The following SEC23A variants were observed in gnomAD, a reference collection of about 807,000 sequenced individuals.
SEC23A encodes protein transport protein Sec23A.
In SEC23A, 56 loss-of-function variants were observed where a neutral mutation model predicts 103.7. The observed-to-expected ratio is 0.54, with a 90% CI of 0.44 to 0.67. The LOEUF (loss-of-function observed/expected upper bound fraction) is 0.67, where lower values mean the gene tolerates loss of function less well. SEC23A is among the 30% of genes least tolerant of loss of function. The pLI is 0.00. For missense variants in SEC23A, 784 were observed against 936.4 expected, an observed-to-expected ratio of 0.84 and a Z score of 2.12; for synonymous variants, 281 against 293.0, an observed-to-expected ratio of 0.96 and a Z score of 0.42.
intron 19 of SEC23A, among the ~76,000 whole-genome samples, chr14:39,036,542 A>G (rs1219732546): frequency 1.3e-5 from 2 of 152,070 alleles, no homozygotes; most frequent in African/African-American, 4.8e-5. Flanking sequence ...AGAAACAGGC[A>G]ATTATCCAAT....
At chr14:39,070,924 G>A (rs1209854022) in intron 9 of SEC23A, among the ~76,000 whole-genome samples, 1 of 152,102 alleles carries the variant, frequency 6.6e-6, no homozygotes, top group African/African-American at 2.4e-5. Flanking sequence ...CTACTCAGGA[G>A]GCTGAGGCAG....
chr14:39,066,111 A>G (rs528839537), intron 10 of SEC23A, among the ~76,000 whole-genome samples: 20 of 149,440 alleles, frequency 1.3e-4, no homozygotes, highest in Non-Finnish European at 3.0e-4. Flanking sequence ...AAACCTTTAT[A>G]GTGTTTTTAT....
In SEC23A at chr14:39,085,330, G is replaced by A. The variant is rs150012174; in HGVS notation, c.828+432C>T. The stretch of plus-strand genomic sequence containing the variant: ...CTTCGTAATATCTTTATCATAAACC[G>A]AGAAACATAAAGTGTTTCCTAGAGT... On this transcript the variant is annotated intron_variant, in intron 7 of 19. Coordinates refer to ENST00000307712, the MANE Select transcript of SEC23A (RefSeq NM_006364.4). Among the ~76,000 whole-genome samples, 277 of 152,190 alleles carry A rather than the reference G, an allele frequency of 1.8e-3. 3 individuals carry two copies. The highest frequency in any genetic ancestry group is 8.6e-3 in the Admixed American group (131 of 15,260).
chr14:39,075,790 T>C, intron 8 of SEC23A, 145 bp downstream of exon 8: 2 of 714,614 alleles, frequency 2.8e-6, no homozygotes, highest in South Asian at 3.4e-5. Flanking sequence ...CAAGAAAAAA[T>C]GAATATTTCT....
chr14:39,100,908 A>G (rs1888068047), intron 1 of SEC23A, among the ~76,000 whole-genome samples: 1 of 151,378 alleles, frequency 6.6e-6, no homozygotes. Context: ...CAGTGGTGCA[A>G]TCTCGGCTCA....
At chr14:39,066,201 T>C (rs969566953) in intron 10 of SEC23A, among the ~76,000 whole-genome samples, 5 of 152,214 alleles carry the variant, frequency 3.3e-5, no homozygotes, top group African/African-American at 7.2e-5. Context: ...AGTTTCTCTA[T>C]AGCAAGACGT....
rs1173643358 is a variant in SEC23A at position 39,103,023 on chromosome 14, G to C, written c.-22+9C>G. 1.3e-5 allele frequency: 2 copies of C among 153,134 alleles called. No homozygotes were observed. The highest frequency in any genetic ancestry group is 1.3e-4 in the Admixed American group (2 of 15,278). The allele number at this position is 153,134 out of a possible 1,614,324, so 9.5% of individuals were successfully genotyped here. A position where few individuals can be genotyped will look rare whatever the true frequency, so the allele number is the denominator to read the frequency against. On this transcript the variant is annotated intron_variant, in intron 1 of 19. Coordinates refer to ENST00000307712, the MANE Select transcript of SEC23A (RefSeq NM_006364.4). ...CGCCGCCAGCCCGCCCCCGCTCCCC[G>C]CTGCGCACCTGCGGTCCCCCAGGAG...
At chr14:39,040,970 T>C in intron 17 of SEC23A, 83 bp from the exon 18 acceptor site, 1 of 1,473,912 alleles carries the variant, frequency 6.8e-7, no homozygotes, top group Non-Finnish European at 9.0e-7. Flanking sequence ...AAAATAATCT[T>C]TAGAAACTAA....
intron 9 of SEC23A, 37 bp downstream of exon 9, chr14:39,074,378 T>C: frequency 1.5e-6 from 2 of 1,308,706 alleles, no homozygotes; most frequent in Non-Finnish European, 2.2e-6. Flanking sequence ...CATCATTTGC[T>C]TATAATTACA....
At chr14:39,068,694 G>T (rs1409902237) in intron 9 of SEC23A, among the ~76,000 whole-genome samples, 1 of 151,978 alleles carries the variant, frequency 6.6e-6, no homozygotes, top group African/African-American at 2.4e-5. Context: ...TTGTTTATAT[G>T]ATACACATGC....
intron 1 of SEC23A, 35 bp from the exon 2 acceptor site, chr14:39,096,174 G>T (rs948279620): frequency 1.9e-5 from 26 of 1,349,438 alleles, no homozygotes; most frequent in Non-Finnish European, 1.1e-6. Context: ...TAAAATCCAG[G>T]ATCCTCTTAA....
chr14:39,089,122 T>C (rs535077240), intron 5 of SEC23A, among the ~76,000 whole-genome samples: 37 of 140,746 alleles, frequency 2.6e-4, no homozygotes, highest in Non-Finnish European at 4.8e-4. Context: ...TGCAAGATCA[T>C]GCCACTGCAC....
Position 39,092,595 on chromosome 14 carries a change from C to T in SEC23A, c.312G>A (p.Leu104=), listed in dbSNP as rs1429501446. The T allele has an allele frequency of 9.3e-6, 15 of 1,611,536 alleles. No homozygotes were observed. Among genetic ancestry groups the T allele is most frequent in the Non-Finnish European group, 1.3e-5 (15 of 1,178,470 alleles). The change falls in exon 4 of 20, where the codon CTG becomes CTA. Residue 104 remains leucine, a synonymous_variant. Coordinates refer to ENST00000307712, the MANE Select transcript of SEC23A (RefSeq NM_006364.4). ...FPPSYAGISE[L]NQPAELLPQF... ...GAGGTAAAAGTTCAGCAGGCTGATTCAGTTCAGATATACCAGCATAACTAG... is the reference window on the plus strand; with the variant it reads ...GAGGTAAAAGTTCAGCAGGCTGATTTAGTTCAGATATACCAGCATAACTAG...
rs1887873306 is a variant in SEC23A at position 39,095,963 on chromosome 14, TGGTAAGTCA to T, written c.147_155del (p.Asp50_Pro52del). On this transcript the variant is annotated inframe_deletion, in exon 2 of 20. Coordinates refer to ENST00000307712, the MANE Select transcript of SEC23A (RefSeq NM_006364.4). ...ACAGAACAGGTTCATATTGAATAGG[TGGTAAGTCA>T]GGTCTCTCTTTCAGTGGTGTAAACA... 3 of 1,614,088 alleles carry T rather than the reference TGGTAAGTCA, an allele frequency of 1.9e-6. No individual in the cohort carries two copies. Among genetic ancestry groups the T allele is most frequent in the Non-Finnish European group, 1.7e-6 (2 of 1,180,006 alleles).
intron 13 of SEC23A, among the ~76,000 whole-genome samples, chr14:39,061,175 T>G (rs1387865229): frequency 1.3e-5 from 2 of 152,108 alleles, no homozygotes; most frequent in Non-Finnish European, 2.9e-5. Flanking sequence ...AAAGCATCTG[T>G]ACCCGAAGGA....
chr14:39,042,472 T>C (rs1885679094), intron 17 of SEC23A, among the ~76,000 whole-genome samples: 1 of 152,220 alleles, frequency 6.6e-6, no homozygotes, highest in Admixed American at 6.5e-5. Flanking sequence ...AAAGGCTGAC[T>C]TTTCCCCCCT....
At chr14:39,073,058 T>C (rs1886891554) in intron 9 of SEC23A, among the ~76,000 whole-genome samples, 1 of 152,176 alleles carries the variant, frequency 6.6e-6, no homozygotes, top group Non-Finnish European at 1.5e-5. Context: ...CAAAGGACCA[T>C]TATTCACAGT....
At chr14:39,087,344 A>G (rs1887478864) in intron 5 of SEC23A, among the ~76,000 whole-genome samples, 2 of 152,254 alleles carry the variant, frequency 1.3e-5, no homozygotes, top group East Asian at 1.9e-4. Context: ...CATCCGTTTC[A>G]GCAAACTATA....
intron 12 of SEC23A, among the ~76,000 whole-genome samples, chr14:39,062,407 T>C (rs1255856661): frequency 6.6e-6 from 1 of 152,130 alleles, no homozygotes; most frequent in Non-Finnish European, 1.5e-5. Flanking sequence ...TTTGAAACAT[T>C]TCAGATTTCA....
Sources: gnomAD v4.1 joint callset for allele counts (sites outside exome capture counted in the v4.1 genomes callset) on GRCh38, gnomAD v4.1.1 for gene constraint, MANE v1.5 for transcripts, NCBI Gene and HGNC (gene_info 2026-07-23, HGNC 2026-07-21) for gene names.